SEZ6L: variants seen among roughly 807,000 people sequenced by gnomAD.
SEZ6L encodes seizure 6-like protein.
SEZ6L carries 37 observed loss-of-function variants against 106.2 expected under a neutral mutation model. The observed-to-expected ratio is 0.35, with a 90% CI of 0.27 to 0.46. The LOEUF is 0.46. Among genes scored for constraint, SEZ6L ranks in the 20% least tolerant of loss-of-function variants. The pLI is 1.00. For synonymous variants in SEZ6L, 541 were observed against 570.4 expected (o/e 0.95, Z 0.73); for missense variants, 1,172 against 1,332.8 (o/e 0.88, Z 1.88).
intron 1 of SEZ6L, among the ~76,000 whole-genome samples, chr22:26,260,781 G>A (rs2079976531): frequency 6.6e-6 from 1 of 152,082 alleles, no homozygotes; most frequent in Admixed American, 6.6e-5. Flanking sequence ...GGTAGTTCTA[G>A]TTTTAGTTCT....
chr22:26,257,363 A>G (rs561947936), intron 1 of SEZ6L, among the ~76,000 whole-genome samples: 1 of 152,358 alleles, frequency 6.6e-6, no homozygotes, highest in Admixed American at 6.5e-5. Context: ...AATCCCATTT[A>G]ACTTCTCATT....
intron 1 of SEZ6L, among the ~76,000 whole-genome samples, chr22:26,216,550 G>A (rs1274172232): frequency 1.3e-5 from 2 of 152,160 alleles, no homozygotes; most frequent in Non-Finnish European, 2.9e-5. Flanking sequence ...CAGTTAATCA[G>A]GAGGCTGAAG....
intron 1 of SEZ6L, among the ~76,000 whole-genome samples, chr22:26,225,710 C>T (rs5997055): frequency 6.6e-6 from 1 of 152,106 alleles, no homozygotes; most frequent in East Asian, 1.9e-4. Context: ...TGGGACTCCA[C>T]GAGAAACCTT....
At chr22:26,358,539 G>A (rs1231303921) in intron 12 of SEZ6L, among the ~76,000 whole-genome samples, 2 of 152,082 alleles carry the variant, frequency 1.3e-5, no homozygotes, top group African/African-American at 4.8e-5. Context: ...CGAGCTTTTT[G>A]TTCAAATGTG....
intron 1 of SEZ6L, among the ~76,000 whole-genome samples, chr22:26,208,222 T>C (rs1941390352): frequency 6.6e-6 from 1 of 152,148 alleles, no homozygotes; most frequent in Admixed American, 6.5e-5. Flanking sequence ...GCCATATTCA[T>C]GTGTATTTTA....
chr22:26,221,379 G>A (rs552630080), intron 1 of SEZ6L, among the ~76,000 whole-genome samples: 31 of 152,216 alleles, frequency 2.0e-4, no homozygotes, highest in Non-Finnish European at 8.8e-5. Flanking sequence ...ATTGGGTAGT[G>A]GTTACCATCA....
chr22:26,224,278 G>A (rs1535145), intron 1 of SEZ6L, among the ~76,000 whole-genome samples: 31,816 of 152,142 alleles, frequency 0.21, 3,647 homozygotes, highest in East Asian at 0.42. Flanking sequence ...AGGGAGATTT[G>A]AGGAAACCTA....
chr22:26,347,648 AGCCGTCATAAAAGGAG>A, intron 10 of SEZ6L, 55 bp from the exon 11 acceptor site: 2 of 1,322,756 alleles, frequency 1.5e-6, no homozygotes, highest in Non-Finnish European at 2.1e-6. Context: ...TCATCCCTCT[AGCCGTCATAAAAGGAG>A]GCCCCGACAA....
At chr22:26,370,583 T>C (rs1448622823) in intron 13 of SEZ6L, among the ~76,000 whole-genome samples, 1 of 152,204 alleles carries the variant, frequency 6.6e-6, no homozygotes, top group Non-Finnish European at 1.5e-5. Context: ...ATCCCTTTCT[T>C]TCTTCTCCAG....
At chr22:26,244,074 G>A (rs576111942) in intron 1 of SEZ6L, among the ~76,000 whole-genome samples, 82 of 152,112 alleles carry the variant, frequency 5.4e-4, no homozygotes, top group African/African-American at 1.9e-3. Flanking sequence ...GAAGCAGCAG[G>A]ATCACTTGAA....
At chr22:26,343,232 C>T (rs1234939158) in intron 10 of SEZ6L, among the ~76,000 whole-genome samples, 3 of 151,804 alleles carry the variant, frequency 2.0e-5, no homozygotes, top group African/African-American at 7.3e-5. Context: ...ACGTCCTCTC[C>T]CTCTCCACTG....
At chr22:26,315,541 C>A in intron 9 of SEZ6L, among the ~76,000 whole-genome samples, 1 of 152,114 alleles carries the variant, frequency 6.6e-6, no homozygotes, top group East Asian at 1.9e-4. Context: ...GAGTCAGAGA[C>A]TTACACAGCT....
intron 1 of SEZ6L, among the ~76,000 whole-genome samples, chr22:26,210,348 G>A (rs1371280693): frequency 3.9e-5 from 6 of 152,210 alleles, no homozygotes; most frequent in African/African-American, 1.4e-4. Flanking sequence ...CCCCCAGAGA[G>A]GAGGGAAGGC....
intron 1 of SEZ6L, among the ~76,000 whole-genome samples, chr22:26,182,566 T>G (rs1939477955): frequency 6.6e-6 from 1 of 151,970 alleles, no homozygotes; most frequent in African/African-American, 2.4e-5. Flanking sequence ...GATACTACTG[T>G]GAATAAATGA....
At chr22:26,278,634 T>C (rs1281057744) in intron 1 of SEZ6L, among the ~76,000 whole-genome samples, 2 of 152,182 alleles carry the variant, frequency 1.3e-5, no homozygotes, top group East Asian at 1.9e-4. Context: ...CCTAAAAATG[T>C]CTTTTTAAGA....
At chr22:26,339,479 T>G (rs929898106) in intron 9 of SEZ6L, among the ~76,000 whole-genome samples, 16 of 152,226 alleles carry the variant, frequency 1.1e-4, no homozygotes, top group African/African-American at 3.4e-4. Context: ...AAGTGATTTC[T>G]GGATTATTAA....
chr22:26,302,340 G>T (rs969417027), intron 5 of SEZ6L, among the ~76,000 whole-genome samples: 9 of 152,202 alleles, frequency 5.9e-5, no homozygotes, highest in African/African-American at 2.2e-4. Context: ...GCACTGGTTT[G>T]TAACGCACTG....
At chr22:26,311,614 T>A (rs653340) in intron 7 of SEZ6L, among the ~76,000 whole-genome samples, 154 bp from the exon 8 acceptor site, 69,649 of 151,722 alleles carry the variant, frequency 0.46, 17,429 homozygotes, top group African/African-American at 0.63. Flanking sequence ...GGCCCCAGGG[T>A]TCTCAACACG....
rs1400183262 is a variant in SEZ6L at position 26,310,751 on chromosome 22, C to T, written c.1596C>T (p.Gly532=). 2 of 1,614,112 alleles carry T rather than the reference C, an allele frequency of 1.2e-6. No homozygotes were observed. The highest frequency in any genetic ancestry group is 4.5e-5 in the East Asian group (2 of 44,876). The change falls in exon 7 of 17, where the codon GGC becomes GGT. Residue 532 remains glycine (G), a synonymous_variant. Transcript: ENST00000248933. The part of the protein sequence containing the change: ...SLQTESVPFE[G]LLSEGNTIRI... ...AAACCGAGAGTGTCCCTTTTGAGGG[C>T]CTGCTGAGCGAAGGCAACACCATCC...
Sources: allele counts gnomAD v4.1 joint callset (sites outside exome capture counted in the v4.1 genomes callset), GRCh38; gene constraint gnomAD v4.1.1; transcripts MANE v1.5; gene names NCBI Gene and HGNC (gene_info 2026-07-23, HGNC 2026-07-21).